The following EYA1 variants were observed in gnomAD, a reference collection of about 807,000 sequenced individuals.
EYA1 encodes the protein protein phosphatase EYA1.
A neutral mutation model predicts 82.0 loss-of-function variants in EYA1; 16 were observed. The observed-to-expected ratio is 0.20, with a 90% CI of 0.13 to 0.30. The LOEUF (loss-of-function observed/expected upper bound fraction) is 0.30. Ranked by LOEUF, EYA1 falls within the 10% of genes least tolerant of loss-of-function variation. EYA1 has a pLI of 1.00. For synonymous variants in EYA1, 261 were observed against 264.4 expected (o/e 0.99, Z 0.12); for missense variants, 633 against 730.7 (o/e 0.87, Z 1.54).
rs778318112 is a variant in EYA1, at chr8:71,334,128, G to A, written c.171C>T (p.Ala57=). 31 of 1,613,442 alleles carry A rather than the reference G, an allele frequency of 1.9e-5. No individual in the cohort carries two copies. The highest frequency in any genetic ancestry group is 4.0e-5 in the African/African-American group (3 of 74,856). Reference sequence around the variant, plus strand: ...CTGAGAAATTGTTTAAAGACCCGTCGGCTGTCGTTGAAGCTGTTTCACTGC... The same window carrying A: ...CTGAGAAATTGTTTAAAGACCCGTCAGCTGTCGTTGAAGCTGTTTCACTGC... ...MSSSETASTT[A]DGSLNNFSGS... The change falls in exon 4 of 18, where the codon GCC becomes GCT. Residue 57 remains alanine (A), a synonymous_variant. Transcript: ENST00000340726.
intron 2 of EYA1, among the ~76,000 whole-genome samples, chr8:71,389,080 G>C (rs1829128366): frequency 6.6e-6 from 1 of 151,812 alleles, no homozygotes; most frequent in South Asian, 2.1e-4. Context: ...GAAAGAGAGA[G>C]ACAGACACAC....
intron 3 of EYA1, among the ~76,000 whole-genome samples, chr8:71,335,374 T>C (rs1824365373): frequency 1.3e-5 from 2 of 152,148 alleles, no homozygotes; most frequent in Admixed American, 1.3e-4. Flanking sequence ...TCAAATATTC[T>C]CCTAATGCAT....
intron 9 of EYA1, among the ~76,000 whole-genome samples, chr8:71,280,426 T>C (rs1817684884): frequency 6.6e-6 from 1 of 152,328 alleles, no homozygotes; most frequent in Admixed American, 6.5e-5. Flanking sequence ...ATGACAGATA[T>C]TTCTAACAAA....
rs1035291831 is a variant in EYA1, at chr8:71,470,054, T to C, written c.33+65690A>G. Among the ~76,000 whole-genome samples, 6 of 152,178 alleles carry C rather than the reference T, an allele frequency of 3.9e-5. No individual in the cohort carries two copies. The East Asian group carries it at 5.8e-4, about 15-fold the overall frequency. ...TCTTAAATTTGCCAGAGTCAGTAGC[T>C]GTTACTTACAAGAAACAAACAAAAA... On this transcript the variant is annotated intron_variant, in intron 2 of 18. Coordinates refer to the EYA1 transcript ENST00000643681.
chr8:71,250,964 A>T lies in EYA1; in HGVS notation c.1051-6272T>A, dbSNP rs1813681311. Among the ~76,000 whole-genome samples the T allele has an allele frequency of 2.6e-5, 4 of 152,318 alleles. 1 individual carries two copies. In the Middle Eastern group the frequency reaches 0.01, roughly 389 times the overall value. On this transcript the variant is annotated intron_variant, in intron 11 of 17. Transcript: ENST00000340726. ...CAATTCCTAATGATCTAGCCTAGGG[A>T]AAAAATGGGCACTTGAATCTGAAAA...
rs370071176 is a variant in EYA1, at chr8:71,263,579, G to A, written c.1050+6161C>T. ...TATGCACTGCCTGCATTGAGTTCAC[G>A]GTCTAGTCACATTGTTGCTGTCATT... On this transcript the variant is annotated intron_variant, in intron 11 of 17. Transcript: ENST00000340726. Among the ~76,000 whole-genome samples the A allele has an allele frequency of 5.3e-5, 8 of 152,262 alleles. No individual in the cohort carries two copies. The East Asian group carries it at 1.2e-3, about 22-fold the overall frequency.
intron 7 of EYA1, among the ~76,000 whole-genome samples, chr8:71,310,336 G>A (rs1185488893): frequency 6.6e-6 from 1 of 152,108 alleles, no homozygotes. Flanking sequence ...ATGGAGGTTT[G>A]GTGTACAGAT....
chr8:71,537,873 C>T (rs1333864864), intron 1 of EYA1, among the ~76,000 whole-genome samples: 1 of 152,116 alleles, frequency 6.6e-6, no homozygotes, highest in Non-Finnish European at 1.5e-5. Flanking sequence ...TTTATTTCTG[C>T]TGAAGATGAA....
chr8:71,282,979 C>T (rs1412931872), intron 9 of EYA1, among the ~76,000 whole-genome samples: 1 of 143,324 alleles, frequency 7.0e-6, no homozygotes, highest in African/African-American at 2.6e-5. Flanking sequence ...TATTCTCTGT[C>T]CATGACTAGA....
At chr8:71,262,393 A>G (rs1308765754) in intron 11 of EYA1, among the ~76,000 whole-genome samples, 1 of 152,158 alleles carries the variant, frequency 6.6e-6, no homozygotes, top group Non-Finnish European at 1.5e-5. Context: ...TGGAATAACA[A>G]AGTCTGCATG....
intron 2 of EYA1, among the ~76,000 whole-genome samples, chr8:71,414,205 C>T (rs1185016328): frequency 1.3e-5 from 2 of 152,138 alleles, no homozygotes; most frequent in African/African-American, 2.4e-5. Context: ...TCAGATGAGG[C>T]TGTGCTTTTC....
In EYA1 at chr8:71,302,754, G is replaced by A. The variant is rs1159442888; in HGVS notation, c.557-3034C>T. Among the ~76,000 whole-genome samples the A allele has an allele frequency of 2.1e-5, 3 of 141,578 alleles. 1 individual carries two copies. Among genetic ancestry groups the A allele is most frequent in the Non-Finnish European group, 4.8e-5 (3 of 62,366 alleles). The allele number at this position is 141,578 out of a possible 152,430, so 92.9% of individuals were successfully genotyped here. On this transcript the variant is annotated intron_variant, in intron 7 of 17. Transcript: ENST00000340726. ...TAAACTCGGACCAGGCCACAGCAGG[G>A]GACTTCTGCAGCAGCCTCCTCTACT...
At chr8:71,452,635 C>T (rs1486626337) in intron 2 of EYA1, among the ~76,000 whole-genome samples, 11 of 152,172 alleles carry the variant, frequency 7.2e-5, no homozygotes, top group Admixed American at 2.0e-4. Flanking sequence ...CTGCAGCCTC[C>T]GCTGCTGATA....
At chr8:71,325,247 T>C (rs954395235) in intron 4 of EYA1, among the ~76,000 whole-genome samples, 1 of 152,206 alleles carries the variant, frequency 6.6e-6, no homozygotes, top group Non-Finnish European at 1.5e-5. Context: ...AAGCTCTTCT[T>C]TCCTCTGCCT....
At position 71,480,236 on chromosome 8, in the gene EYA1, A is replaced by G. The variant is rs1395304912; in HGVS notation, c.33+55508T>C. On this transcript the variant is annotated intron_variant, in intron 2 of 18. Transcript: ENST00000643681. ...GAAAACTCAAGACCATTTAATCATT[A>G]CAGCTCTAATCAACAGAAAAGACTT... Among the ~76,000 whole-genome samples the G allele has an allele frequency of 2.0e-5, 3 of 152,234 alleles. No individual in the cohort carries two copies. In the East Asian group the frequency reaches 5.8e-4, roughly 29 times the overall value.
chr8:71,399,116 G>A (rs967450632), intron 2 of EYA1, among the ~76,000 whole-genome samples: 2 of 152,216 alleles, frequency 1.3e-5, no homozygotes, highest in Admixed American at 6.5e-5. Context: ...ATAATCTCCT[G>A]GTGTGCCGTT....
intron 2 of EYA1, among the ~76,000 whole-genome samples, chr8:71,356,156 T>TC: frequency 6.6e-6 from 1 of 152,290 alleles, no homozygotes; most frequent in Middle Eastern, 3.4e-3. Context: ...AGCTTTGACT[T>TC]CCCCAAATAT....
At chr8:71,235,278 G>GA (rs35505485) in intron 12 of EYA1, among the ~76,000 whole-genome samples, 47,687 of 151,728 alleles carry the variant, frequency 0.31, 7,812 homozygotes, top group Non-Finnish European at 0.35. Flanking sequence ...ACTGCAATTA[G>GA]AAAAAAAATA....
chr8:71,244,034 T>C (rs971379047), intron 12 of EYA1, among the ~76,000 whole-genome samples: 2 of 152,232 alleles, frequency 1.3e-5, no homozygotes, highest in East Asian at 1.9e-4. Flanking sequence ...ATCAAGACCA[T>C]TGTGATTGTC....
Sources: gnomAD v4.1 joint callset for allele counts (sites outside exome capture counted in the v4.1 genomes callset) on GRCh38, gnomAD v4.1.1 for gene constraint, MANE v1.5 for transcripts, NCBI Gene and HGNC (gene_info 2026-07-23, HGNC 2026-07-21) for gene names.